The following LEKR1 variants were observed in gnomAD, a reference collection of about 807,000 sequenced individuals.
The protein encoded by LEKR1 is leucine, glutamate and lysine rich 1, also known as protein LEKR1.
In LEKR1, 59 loss-of-function variants were observed where a neutral mutation model predicts 72.4. That is an observed-to-expected ratio of 0.82 (90% CI 0.66 to 1.01). The LOEUF (loss-of-function observed/expected upper bound fraction) is 1.01. LEKR1 is among the 50% of genes least tolerant of loss of function. The pLI, the probability that LEKR1 is intolerant of heterozygous loss-of-function variation, is 0.00. For missense variants in LEKR1, 728 were observed against 759.2 expected, an observed-to-expected ratio of 0.96 and a Z score of 0.48; for synonymous variants, 257 against 263.2, an observed-to-expected ratio of 0.98 and a Z score of 0.23.
chr3:157,014,514 T>G (rs1733152824), intron 10 of LEKR1, among the ~76,000 whole-genome samples: 1 of 152,138 alleles, frequency 6.6e-6, no homozygotes, highest in Non-Finnish European at 1.5e-5. Flanking sequence ...TCCTAACGTG[T>G]TTTAGTATGC....
chr3:156,895,574 G>C (rs1419718475), intron 3 of LEKR1, among the ~76,000 whole-genome samples: 1 of 151,856 alleles, frequency 6.6e-6, no homozygotes, highest in Non-Finnish European at 1.5e-5. Context: ...TTGCACCACT[G>C]CACTCCAGCC....
intron 9 of LEKR1, among the ~76,000 whole-genome samples, chr3:157,001,080 T>A (rs1468754528): frequency 2.0e-5 from 3 of 152,202 alleles, no homozygotes; most frequent in African/African-American, 7.2e-5. Flanking sequence ...CATGCTGAAC[T>A]TTGAGTCAAT....
At position 156,879,253 on chromosome 3, in the gene LEKR1, G is replaced by A. The variant is rs913887933; in HGVS notation, c.263+26271G>A. ...TATGGACAATGAAATCCAGGTTGAGGTGGTCTCAGATGGGGATGAGGAACT... is the reference window on the plus strand; with the variant it reads ...TATGGACAATGAAATCCAGGTTGAGATGGTCTCAGATGGGGATGAGGAACT... On this transcript the variant is annotated intron_variant, in intron 3 of 12. Transcript: ENST00000356539. Among the ~76,000 whole-genome samples, 7 of 152,312 alleles carry A rather than the reference G, an allele frequency of 4.6e-5. No individual in the cohort carries two copies. The East Asian group carries it at 1.2e-3, about 25-fold the overall frequency.
chr3:157,023,790 G>A (rs1734004918), intron 10 of LEKR1, among the ~76,000 whole-genome samples: 1 of 152,180 alleles, frequency 6.6e-6, no homozygotes, highest in African/African-American at 2.4e-5. Flanking sequence ...GGAAACATGA[G>A]AGATTGAATT....
chr3:156,993,403 T>C, intron 9 of LEKR1, 126 bp downstream of exon 9: 1 of 564,186 alleles, frequency 1.8e-6, no homozygotes, highest in East Asian at 3.0e-5. Flanking sequence ...GATATATTTC[T>C]CCTACAAGGT....
At chr3:156,897,536 TGG>T (rs1265424329) in intron 3 of LEKR1, among the ~76,000 whole-genome samples, 1 of 145,966 alleles carries the variant, frequency 6.9e-6, no homozygotes, top group Non-Finnish European at 1.5e-5. Context: ...CTCAAAGTGG[TGG>T]GGGCGGGGGG....
intron 7 of LEKR1, chr3:156,979,882 C>T (rs1730027802): frequency 6.6e-6 from 1 of 152,404 alleles, no homozygotes; most frequent in Non-Finnish European, 1.5e-5. Flanking sequence ...TGCGTGTTGG[C>T]ACACTCCTGT....
At position 156,904,844 on chromosome 3, in the gene LEKR1, A is replaced by C. The variant is rs560842438; in HGVS notation, c.264-15731A>C. Among the ~76,000 whole-genome samples the C allele has an allele frequency of 2.2e-4, 34 of 152,078 alleles. 1 individual carries two copies. Among genetic ancestry groups the C allele is most frequent in the African/African-American group, 7.9e-4 (33 of 41,512 alleles). ...ATTTTTTTTTATTAAGTCAGGGTTA[A>C]GATTTTTAACTTCTGTTTCTGCACC... On this transcript the variant is annotated intron_variant, in intron 3 of 12. Transcript: ENST00000356539.
chr3:156,962,951 T>A (rs1412584682), intron 6 of LEKR1, among the ~76,000 whole-genome samples: 3 of 152,188 alleles, frequency 2.0e-5, no homozygotes, highest in Non-Finnish European at 4.4e-5. Context: ...ACCTTGGGAA[T>A]AAATTTTAGA....
intron 7 of LEKR1, among the ~76,000 whole-genome samples, chr3:156,982,666 G>T (rs143278823): frequency 3.9e-5 from 6 of 152,064 alleles, no homozygotes; most frequent in Admixed American, 6.6e-5. Flanking sequence ...TGCTCTGAGA[G>T]CTTGATGAAA....
intron 9 of LEKR1, among the ~76,000 whole-genome samples, chr3:156,995,769 T>C (rs1731509919): frequency 1.3e-5 from 2 of 152,120 alleles, no homozygotes; most frequent in African/African-American, 4.8e-5. Context: ...GAGGCAAAGA[T>C]TGAAGTCAGC....
chr3:156,900,333 G>C (rs1332348886), intron 3 of LEKR1, among the ~76,000 whole-genome samples: 2 of 152,190 alleles, frequency 1.3e-5, no homozygotes, highest in African/African-American at 4.8e-5. Flanking sequence ...AGACCAGTTT[G>C]TGACTTCTGA....
chr3:156,879,475 G>A (rs62275238), intron 3 of LEKR1, among the ~76,000 whole-genome samples: 4,841 of 152,108 alleles, frequency 0.032, 115 homozygotes, highest in Non-Finnish European at 0.047. Context: ...TTTTCAAAGG[G>A]AAACAGCATA....
chr3:156,876,294 G>A (rs763000877), intron 3 of LEKR1, among the ~76,000 whole-genome samples: 1 of 152,068 alleles, frequency 6.6e-6, no homozygotes, highest in Non-Finnish European at 1.5e-5. Context: ...TTTTTGCCTA[G>A]ACTGGCTTTA....
At chr3:156,881,313 A>G (rs1005607362) in intron 3 of LEKR1, among the ~76,000 whole-genome samples, 22 of 152,282 alleles carry the variant, frequency 1.4e-4, no homozygotes, top group African/African-American at 5.1e-4. Context: ...CTCAGCCTAC[A>G]AAATCAATGT....
intron 10 of LEKR1, among the ~76,000 whole-genome samples, chr3:157,014,930 TATTTCTGC>T (rs1733188311): frequency 6.6e-6 from 1 of 152,192 alleles, no homozygotes; most frequent in Non-Finnish European, 1.5e-5. Flanking sequence ...CAAAGTTCCA[TATTTCTGC>T]ATTTGGCCAA....
chr3:156,934,192 C>T (rs181575197), intron 5 of LEKR1, among the ~76,000 whole-genome samples: 4 of 152,056 alleles, frequency 2.6e-5, no homozygotes, highest in African/African-American at 9.7e-5. Flanking sequence ...TGTTTACTGC[C>T]AGTCTCCTCC....
chr3:156,927,651 G>T (rs891353499), intron 5 of LEKR1, 47 bp downstream of exon 5: 1 of 743,596 alleles, frequency 1.3e-6, no homozygotes, highest in Admixed American at 5.2e-5. Context: ...TTGGTAAATG[G>T]TACATCATAA....
chr3:156,879,034 T>G (rs1718963465), intron 3 of LEKR1, among the ~76,000 whole-genome samples: 1 of 152,188 alleles, frequency 6.6e-6, no homozygotes, highest in South Asian at 2.1e-4. Flanking sequence ...GAAAATGGAC[T>G]AATACAGTAA....
Sources: allele counts gnomAD v4.1 joint callset (sites outside exome capture counted in the v4.1 genomes callset), GRCh38; gene constraint gnomAD v4.1.1; transcripts MANE v1.5; gene names NCBI Gene and HGNC (gene_info 2026-07-23, HGNC 2026-07-21).